NEK4: variants seen among roughly 807,000 people sequenced by gnomAD.
NEK4 encodes NIMA related kinase 4.
In NEK4, 86 loss-of-function variants were observed where a neutral mutation model predicts 98.4. The observed-to-expected ratio is 0.87, with a 90% CI of 0.73 to 1.05. The LOEUF (loss-of-function observed/expected upper bound fraction) is 1.05, where lower values mean the gene tolerates loss of function less well. Among genes scored for constraint, NEK4 ranks in the 50% least tolerant of loss-of-function variants. The pLI is 0.00. For missense variants in NEK4, 898 were observed against 950.3 expected (o/e 0.94, Z 0.72); for synonymous variants, 328 against 342.2 (o/e 0.96, Z 0.46).
intron 10 of NEK4, among the ~76,000 whole-genome samples, chr3:52,745,279 T>C (rs1424693530): frequency 2.0e-5 from 3 of 151,712 alleles, no homozygotes; most frequent in Non-Finnish European, 4.4e-5. Flanking sequence ...TCTGTCCATT[T>C]CAATCAAAGA....
chr3:52,734,938 CAG>C, intron 15 of NEK4: 1 of 213,882 alleles, frequency 4.7e-6, no homozygotes, highest in Non-Finnish European at 9.5e-6. Flanking sequence ...AAACATTCTC[CAG>C]AACAGAAACC....
intron 15 of NEK4, among the ~76,000 whole-genome samples, chr3:52,734,452 C>CAA (rs76013023): frequency 9.9e-6 from 1 of 100,614 alleles, no homozygotes. Flanking sequence ...GACTCCAACT[C>CAA]AAAAAAAAAA....
Position 52,741,459 on chromosome 3 carries a change from C to G in NEK4, c.2045G>C (p.Ser682Thr), listed in dbSNP as rs767467595. ...CTTATCAGTTGAACTTGTAGAAGAA[C>G]TTAACTCATCCTCAGACAGACAATG... is the stretch of plus-strand genomic sequence containing the variant. Reference protein sequence around the residue: ...QIHCLSEDELSSSTSSTDKSD... With the variant: ...QIHCLSEDELTSSTSSTDKSD... Residue 682 changes from serine (S) to threonine (T), a missense_variant, in exon 13 of 16, where the codon AGT becomes ACT. Transcript: ENST00000233027. The G allele has an allele frequency of 6.8e-6, 11 of 1,611,022 alleles. No homozygotes were observed. The highest frequency in any genetic ancestry group is 5.5e-5 in the South Asian group (5 of 91,004).
Position 52,760,026 on chromosome 3 carries a change from G to A in NEK4, c.963+769C>T, listed in dbSNP as rs561467687. On this transcript the variant is annotated intron_variant, in intron 6 of 15. Transcript: ENST00000233027. ...TATCCAGGACAGGTAACTTCATAGA[G>A]ACAGGAAACACACTGGTGGTTGCCA... is the stretch of plus-strand genomic sequence containing the variant. 5.3e-5 allele frequency among the ~76,000 whole-genome samples: 8 copies of A among 152,266 alleles called. No homozygotes were observed. The South Asian group carries it at 8.3e-4, about 16-fold the overall frequency.
chr3:52,744,740 A>C (rs893983903), intron 10 of NEK4, among the ~76,000 whole-genome samples: 5 of 128,470 alleles, frequency 3.9e-5, no homozygotes, highest in African/African-American at 1.7e-4. Flanking sequence ...CAGCAAGACC[A>C]AAAAAAAAAA....
At chr3:52,725,278 G>A (rs947979755) in intron 15 of NEK4, among the ~76,000 whole-genome samples, 1 of 152,320 alleles carries the variant, frequency 6.6e-6, no homozygotes, top group African/African-American at 2.4e-5. Context: ...TTGGGAGGCT[G>A]AGGCGGGTGG....
Position 52,768,446 on chromosome 3 carries a change from G to A in NEK4, c.252C>T (p.Gly84=), listed in dbSNP as rs781228500. The A allele has an allele frequency of 3.2e-5, 52 of 1,614,032 alleles. No individual in the cohort carries two copies. Among genetic ancestry groups the A allele is most frequent in the Non-Finnish European group, 4.2e-5 (49 of 1,180,022 alleles). Residue 84 remains glycine (G), a synonymous_variant, in exon 2 of 16, where the codon GGC becomes GGT. Transcript: ENST00000233027. ...GGDGLLYIVM[G]FCEGGDLYRK... ...GGTACAAATCACCTCCTTCACAGAA[G>A]CCCATGACAATGTAGAGCAGACCAT...
At chr3:52,741,564 C>G in intron 12 of NEK4, 65 bp from the exon 13 acceptor site, 2 of 996,138 alleles carry the variant, frequency 2.0e-6, no homozygotes. Flanking sequence ...ATACTTGAAC[C>G]AGTCTTAGAT....
At chr3:52,753,475 C>T (rs896444392) in intron 6 of NEK4, 35 of 394,944 alleles carry the variant, frequency 8.9e-5, no homozygotes, top group African/African-American at 2.1e-4. Context: ...ATGCTGAGGA[C>T]GGAAGAGTCT....
At chr3:52,766,724 C>G (rs997215514) in intron 2 of NEK4, among the ~76,000 whole-genome samples, 62 of 152,334 alleles carry the variant, frequency 4.1e-4, no homozygotes, top group African/African-American at 1.4e-3. Context: ...CAGTGGCTCA[C>G]GCCTGTAATC....
intron 5 of NEK4, 53 bp from the exon 6 acceptor site, chr3:52,760,989 T>C: frequency 8.3e-7 from 1 of 1,198,774 alleles, no homozygotes; most frequent in African/African-American, 1.5e-5. Flanking sequence ...AGATTAAGGG[T>C]TTTTAGGTAT....
At chr3:52,748,740 G>A (rs1301777282) in intron 8 of NEK4, among the ~76,000 whole-genome samples, 1 of 152,128 alleles carries the variant, frequency 6.6e-6, no homozygotes, top group Non-Finnish European at 1.5e-5. Flanking sequence ...TTCAGGATTA[G>A]CTGAAAGAAT....
chr3:52,714,228 A>T (rs961025792), intron 15 of NEK4, among the ~76,000 whole-genome samples: 1 of 152,180 alleles, frequency 6.6e-6, no homozygotes, highest in African/African-American at 2.4e-5. Flanking sequence ...AGAGCAACTC[A>T]AAAAAACAAA....
chr3:52,743,402 C>G lies in NEK4; in HGVS notation c.1954G>C (p.Asp652His). 6.2e-7 allele frequency: 1 copy of G among 1,610,048 alleles called. No individual in the cohort carries two copies. Among genetic ancestry groups the G allele is most frequent in the Non-Finnish European group, 8.5e-7 (1 of 1,176,150 alleles). Residue 652 changes from aspartate (D) to histidine (H), a missense_variant, in exon 12 of 16, where the codon GAC (aspartate) becomes CAC (histidine). By Grantham distance (81) the Asp-to-His change is moderately conservative. Coordinates refer to ENST00000233027, the MANE Select transcript of NEK4 (RefSeq NM_003157.6). ...VAGPGKPQEE[D>H]QPLPARRLSS... ...AGCCGTCGGGCAGGCAAGGGCTGGT[C>G]TTCTTCCTGGGGTTTTCCTGGCCCT...
At chr3:52,756,048 A>C (rs1187715410) in intron 6 of NEK4, among the ~76,000 whole-genome samples, 1 of 152,196 alleles carries the variant, frequency 6.6e-6, no homozygotes. Flanking sequence ...AGAAGACATA[A>C]ATAAATGGAA....
chr3:52,759,496 G>C (rs758250090), intron 6 of NEK4, among the ~76,000 whole-genome samples: 2 of 152,054 alleles, frequency 1.3e-5, no homozygotes, highest in Admixed American at 1.3e-4. Context: ...GTCATTAATC[G>C]TTAGGGAAAT....
chr3:52,752,105 C>G lies in NEK4; in HGVS notation c.1195G>C (p.Gly399Arg), dbSNP rs779794006. Residue 399 changes from glycine to arginine, a missense_variant, in exon 7 of 16, where the codon GGT becomes CGT. Physicochemically the swap from Gly to Arg is moderately radical, Grantham distance 125. Transcript: ENST00000233027. ...RYLDASNELG[G>R]ICSISQVEEE... is the part of the protein sequence containing the mutation. ...TCCACTTGAGAAATACTGCATATAC[C>G]TCCTAACTCATTAGAGGCATCCAAA... 1.2e-5 allele frequency: 19 copies of G among 1,614,094 alleles called. No homozygotes were observed. Among genetic ancestry groups the G allele is most frequent in the Admixed American group, 1.7e-5 (1 of 60,010 alleles).
chr3:52,752,680 A>G lies in NEK4; in HGVS notation c.964-344T>C, dbSNP rs2097407316. On this transcript the variant is annotated intron_variant, in intron 6 of 15. Coordinates refer to ENST00000233027, the MANE Select transcript of NEK4 (RefSeq NM_003157.6). Reference sequence around the variant, plus strand: ...TTTGGGAGGCCAAAGCAAGTGAACCACTTGAGGCCAGGAGCTTGAGACCAG... The same window carrying G: ...TTTGGGAGGCCAAAGCAAGTGAACCGCTTGAGGCCAGGAGCTTGAGACCAG... 2.0e-5 allele frequency among the ~76,000 whole-genome samples: 3 copies of G among 151,554 alleles called. No homozygotes were observed. In the South Asian group the frequency reaches 6.2e-4, roughly 32 times the overall value.
intron 15 of NEK4, among the ~76,000 whole-genome samples, chr3:52,732,329 G>A (rs1291795463): frequency 1.3e-5 from 2 of 152,144 alleles, no homozygotes; most frequent in Non-Finnish European, 2.9e-5. Flanking sequence ...AAGTAGTTGG[G>A]ACTACAGATG....
Sources: allele counts gnomAD v4.1 joint callset (sites outside exome capture counted in the v4.1 genomes callset), GRCh38; gene constraint gnomAD v4.1.1; transcripts MANE v1.5; gene names NCBI Gene and HGNC (gene_info 2026-07-23, HGNC 2026-07-21).